Variants in NRG3 observed in about 807,000 individuals in gnomAD.
The protein encoded by NRG3 is pro-neuregulin-3, membrane-bound isoform.
In NRG3, 31 loss-of-function variants were observed where a neutral mutation model predicts 66.9. The observed-to-expected ratio is 0.46, with a 90% CI of 0.35 to 0.63. NRG3 has a LOEUF of 0.63. Among genes scored for constraint, NRG3 ranks in the 20% least tolerant of loss-of-function variants. The pLI is 0.00. For missense variants in NRG3, 910 were observed against 878.9 expected (o/e 1.04, Z -0.45); for synonymous variants, 393 against 359.4 (o/e 1.09, Z -1.06).
chr10:82,678,627 A>C (rs2053887703), intron 2 of NRG3, among the ~76,000 whole-genome samples: 1 of 152,204 alleles, frequency 6.6e-6, no homozygotes, highest in Non-Finnish European at 1.5e-5. Context: ...TTAGAAAGAC[A>C]GTGTGACAAC....
chr10:82,029,704 C>G (rs974100590), intron 1 of NRG3, among the ~76,000 whole-genome samples: 1 of 152,084 alleles, frequency 6.6e-6, no homozygotes, highest in Non-Finnish European at 1.5e-5. Flanking sequence ...TGAGAATGTT[C>G]TGATTTGTGG....
At chr10:82,740,426 G>A (rs1020352558) in intron 3 of NRG3, among the ~76,000 whole-genome samples, 2 of 152,112 alleles carry the variant, frequency 1.3e-5, no homozygotes, top group African/African-American at 4.8e-5. Flanking sequence ...TGCAAGAGTG[G>A]AGGAGGGGGT....
chr10:82,293,985 C>A (rs2079897214), intron 1 of NRG3, among the ~76,000 whole-genome samples: 1 of 151,940 alleles, frequency 6.6e-6, no homozygotes, highest in Non-Finnish European at 1.5e-5. Context: ...GATGAATGGG[C>A]CAGTTTGAAT....
At chr10:82,157,035 G>A (rs550966320) in intron 1 of NRG3, among the ~76,000 whole-genome samples, 1 of 151,774 alleles carries the variant, frequency 6.6e-6, no homozygotes, top group South Asian at 2.1e-4. Context: ...GGATTAAATG[G>A]TCATTATGAA....
intron 1 of NRG3, among the ~76,000 whole-genome samples, chr10:81,912,686 G>C (rs1191274263): frequency 6.6e-6 from 1 of 152,186 alleles, no homozygotes; most frequent in Non-Finnish European, 1.5e-5. Context: ...TTAAGGTTGA[G>C]ATCTGTTGTC....
intron 2 of NRG3, among the ~76,000 whole-genome samples, chr10:82,394,788 A>C (rs538218478): frequency 1.3e-5 from 2 of 152,308 alleles, no homozygotes; most frequent in East Asian, 3.9e-4. Flanking sequence ...AGTAGCCTTC[A>C]TAGTGGTAGA....
At chr10:82,014,736 A>G (rs2061713298) in intron 1 of NRG3, among the ~76,000 whole-genome samples, 1 of 152,178 alleles carries the variant, frequency 6.6e-6, no homozygotes, top group African/African-American at 2.4e-5. Flanking sequence ...GGCTTCAGGC[A>G]GGAAGGAGGC....
chr10:82,056,579 A>G (rs1217130614), intron 1 of NRG3, among the ~76,000 whole-genome samples: 1 of 152,226 alleles, frequency 6.6e-6, no homozygotes, highest in Non-Finnish European at 1.5e-5. Context: ...GGAACAGTGT[A>G]GATGTGACAC....
At chr10:82,484,468 T>A (rs1169289251) in intron 2 of NRG3, among the ~76,000 whole-genome samples, 1 of 152,230 alleles carries the variant, frequency 6.6e-6, no homozygotes, top group African/African-American at 2.4e-5. Flanking sequence ...AAGTCAACAA[T>A]AACAGTTTTG....
intron 1 of NRG3, among the ~76,000 whole-genome samples, chr10:82,049,633 A>G (rs990939120): frequency 1.1e-4 from 17 of 152,004 alleles, no homozygotes; most frequent in Admixed American, 1.0e-3. Context: ...TTTTGTGTAC[A>G]TTTAGATTGC....
At chr10:82,475,577 A>C (rs1448805932) in intron 2 of NRG3, among the ~76,000 whole-genome samples, 1 of 152,176 alleles carries the variant, frequency 6.6e-6, no homozygotes, top group East Asian at 1.9e-4. Flanking sequence ...AAAGATACCA[A>C]AACCATTAAA....
intron 1 of NRG3, among the ~76,000 whole-genome samples, chr10:82,049,573 G>A (rs1362249073): frequency 6.6e-6 from 1 of 151,976 alleles, no homozygotes; most frequent in Non-Finnish European, 1.5e-5. Context: ...ACTTTATGTT[G>A]TTTCTGCTTT....
chr10:82,196,944 G>C (rs972033071), intron 1 of NRG3, among the ~76,000 whole-genome samples: 4 of 152,256 alleles, frequency 2.6e-5, no homozygotes, highest in African/African-American at 9.6e-5. Context: ...CTCAAACCCA[G>C]TTCTTTTGCT....
At chr10:82,256,467 T>G (rs1258201177) in intron 1 of NRG3, among the ~76,000 whole-genome samples, 2 of 152,148 alleles carry the variant, frequency 1.3e-5, no homozygotes, top group Non-Finnish European at 2.9e-5. Flanking sequence ...ACGCTGGATG[T>G]TCTCAAGTTA....
intron 4 of NRG3, among the ~76,000 whole-genome samples, chr10:82,869,664 G>A (rs1321117765): frequency 6.6e-6 from 1 of 150,814 alleles, no homozygotes; most frequent in East Asian, 2.0e-4. Context: ...CTGGAGTGCA[G>A]TGGTGCCATC....
At chr10:82,828,675 A>G (rs1313192689) in intron 3 of NRG3, among the ~76,000 whole-genome samples, 1 of 152,244 alleles carries the variant, frequency 6.6e-6, no homozygotes, top group Admixed American at 6.5e-5. Flanking sequence ...ATCACAGATA[A>G]GATTTTTCAC....
chr10:82,339,406 G>A (rs1329446150), intron 1 of NRG3, among the ~76,000 whole-genome samples: 3 of 152,126 alleles, frequency 2.0e-5, no homozygotes, highest in Non-Finnish European at 4.4e-5. Flanking sequence ...TCTTCACAGG[G>A]CAGCAGGGGA....
At chr10:82,252,293 C>T (rs958219936) in intron 1 of NRG3, among the ~76,000 whole-genome samples, 1 of 152,178 alleles carries the variant, frequency 6.6e-6, no homozygotes. Flanking sequence ...TAAAAATAGC[C>T]AGTGCTGATG....
chr10:81,910,525 C>G (rs1845034805), intron 1 of NRG3, among the ~76,000 whole-genome samples: 1 of 150,424 alleles, frequency 6.6e-6, no homozygotes. Flanking sequence ...ATTTTTTAAC[C>G]TTAGTGATAA....
Sources: gnomAD v4.1 joint callset for allele counts (sites outside exome capture counted in the v4.1 genomes callset) on GRCh38, gnomAD v4.1.1 for gene constraint, MANE v1.5 for transcripts, NCBI Gene and HGNC (gene_info 2026-07-23, HGNC 2026-07-21) for gene names.